CTNND2: variants seen among roughly 807,000 people sequenced by gnomAD.
CTNND2 encodes catenin delta 2.
CTNND2 carries 22 observed loss-of-function variants against 144.4 expected under a neutral mutation model. That is an observed-to-expected ratio of 0.15 (90% CI 0.11 to 0.22). CTNND2 has a LOEUF of 0.22. Among genes scored for constraint, CTNND2 ranks in the 10% least tolerant of loss-of-function variants. CTNND2 has a pLI of 1.00. For synonymous variants in CTNND2, 751 were observed against 695.6 expected, an observed-to-expected ratio of 1.08 and a Z score of -1.25; for missense variants, 1,353 against 1,618.8, an observed-to-expected ratio of 0.84 and a Z score of 2.82.
intron 12 of CTNND2, among the ~76,000 whole-genome samples, chr5:11,154,705 A>G (rs1057458616): frequency 1.4e-4 from 22 of 152,312 alleles, no homozygotes; most frequent in African/African-American, 5.3e-4. Flanking sequence ...AAAACAACCG[A>G]AACTTATTAT....
At chr5:11,334,935 C>A (rs1205623421) in intron 9 of CTNND2, among the ~76,000 whole-genome samples, 4 of 152,230 alleles carry the variant, frequency 2.6e-5, no homozygotes, top group Non-Finnish European at 5.9e-5. Context: ...AGTGAGGATA[C>A]TTCTGTCATC....
intron 3 of CTNND2, among the ~76,000 whole-genome samples, chr5:11,476,958 C>T (rs572568921): frequency 6.6e-6 from 1 of 152,206 alleles, no homozygotes; most frequent in African/African-American, 2.4e-5. Context: ...CCTTTTTATA[C>T]AAAGATCCCA....
In CTNND2 at chr5:11,669,823, T is replaced by C. The variant is rs1783778963; in HGVS notation, c.174+62313A>G. 3.3e-5 allele frequency among the ~76,000 whole-genome samples: 5 copies of C among 152,252 alleles called. No homozygotes were observed. The South Asian group carries it at 1.0e-3, about 32-fold the overall frequency. On this transcript the variant is annotated intron_variant, in intron 2 of 21. Coordinates refer to ENST00000304623, the MANE Select transcript of CTNND2 (RefSeq NM_001332.4). Reference sequence around the variant, plus strand: ...AATTTGTTTGCTCTGGTTTCTCTAGTTCTTGTAATTGTGATGTTAGGGAGT... The same window carrying C: ...AATTTGTTTGCTCTGGTTTCTCTAGCTCTTGTAATTGTGATGTTAGGGAGT...
intron 3 of CTNND2, among the ~76,000 whole-genome samples, chr5:11,431,472 G>C (rs1763280584): frequency 6.6e-6 from 1 of 152,234 alleles, no homozygotes; most frequent in South Asian, 2.1e-4. Flanking sequence ...TGCAGCTGAA[G>C]TGATGCTCTG....
At chr5:11,678,845 C>T (rs1784298497) in intron 2 of CTNND2, among the ~76,000 whole-genome samples, 1 of 152,052 alleles carries the variant, frequency 6.6e-6, no homozygotes, top group Non-Finnish European at 1.5e-5. Context: ...GTTTTTGGCT[C>T]ATTGGCTCCA....
chr5:11,183,927 TTC>T (rs1192567581), intron 11 of CTNND2, among the ~76,000 whole-genome samples: 1 of 152,090 alleles, frequency 6.6e-6, no homozygotes, highest in Non-Finnish European at 1.5e-5. Flanking sequence ...CTCTTTCTCT[TTC>T]TCTCAAACTC....
At chr5:11,155,630 G>A (rs980220485) in intron 12 of CTNND2, among the ~76,000 whole-genome samples, 19 of 151,800 alleles carry the variant, frequency 1.3e-4, no homozygotes, top group Admixed American at 9.8e-4. Context: ...TCTAACCCCC[G>A]CAACCCCACC....
At chr5:11,090,577 GCA>G (rs1750665585) in intron 15 of CTNND2, among the ~76,000 whole-genome samples, 1 of 152,176 alleles carries the variant, frequency 6.6e-6, no homozygotes, top group Non-Finnish European at 1.5e-5. Flanking sequence ...GATCTAGGTT[GCA>G]TGCTCCTCAT....
chr5:11,745,114 T>C (rs979675165), intron 1 of CTNND2, among the ~76,000 whole-genome samples: 5 of 152,210 alleles, frequency 3.3e-5, no homozygotes, highest in Non-Finnish European at 5.9e-5. Flanking sequence ...AAATAACCTA[T>C]ATATAACGTA....
At chr5:11,652,793 T>C (rs536774113) in intron 2 of CTNND2, among the ~76,000 whole-genome samples, 1 of 152,304 alleles carries the variant, frequency 6.6e-6, no homozygotes, top group East Asian at 1.9e-4. Flanking sequence ...TTAACTATGG[T>C]TACCATGCTG....
chr5:11,605,457 C>A (rs76117901), intron 2 of CTNND2, among the ~76,000 whole-genome samples: 8,349 of 152,114 alleles, frequency 0.055, 436 homozygotes, highest in African/African-American at 0.13. Flanking sequence ...AAAGATAGAG[C>A]CTTTGCAAGA....
At chr5:11,172,979 C>T (rs892082294) in intron 11 of CTNND2, among the ~76,000 whole-genome samples, 2 of 152,160 alleles carry the variant, frequency 1.3e-5, no homozygotes, top group African/African-American at 4.8e-5. Context: ...AGGGAAATCA[C>T]TGTGCTTTTG....
At chr5:11,109,590 T>C (rs1434457620) in intron 14 of CTNND2, among the ~76,000 whole-genome samples, 2 of 152,214 alleles carry the variant, frequency 1.3e-5, no homozygotes, top group African/African-American at 4.8e-5. Context: ...TCCTCTGTCC[T>C]GGAAGGTCTG....
At chr5:11,277,656 C>T (rs567381482) in intron 9 of CTNND2, among the ~76,000 whole-genome samples, 10 of 151,988 alleles carry the variant, frequency 6.6e-5, no homozygotes, top group South Asian at 2.1e-4. Context: ...CTCAGCCTCC[C>T]GAGCAGCTGG....
At chr5:11,283,079 T>G (rs1356434149) in intron 9 of CTNND2, among the ~76,000 whole-genome samples, 1 of 152,190 alleles carries the variant, frequency 6.6e-6, no homozygotes, top group East Asian at 1.9e-4. Flanking sequence ...TTGACACCCT[T>G]ACCAATGTTA....
intron 20 of CTNND2, among the ~76,000 whole-genome samples, chr5:10,982,625 T>C (rs1193118265): frequency 1.3e-5 from 2 of 152,238 alleles, no homozygotes; most frequent in Non-Finnish European, 2.9e-5. Flanking sequence ...AATGACCATA[T>C]CACCTAGCAA....
At position 11,259,137 on chromosome 5, in the gene CTNND2, C is replaced by T. The variant is rs558783845; in HGVS notation, c.1629-22314G>A. Among the ~76,000 whole-genome samples, 19 of 152,300 alleles carry T rather than the reference C, an allele frequency of 1.2e-4. No individual in the cohort carries two copies. In the East Asian group the frequency reaches 1.5e-3, roughly 12 times the overall value. Reference sequence around the variant, plus strand: ...GAGCCTTGTACCATCAGTTGAAAAACGAAAACTCAAGACTTCAGTAGTAAC... The same window carrying T: ...GAGCCTTGTACCATCAGTTGAAAAATGAAAACTCAAGACTTCAGTAGTAAC... On this transcript the variant is annotated intron_variant, in intron 9 of 21. Coordinates refer to ENST00000304623, the MANE Select transcript of CTNND2 (RefSeq NM_001332.4).
In CTNND2 at chr5:11,483,838, C is replaced by G. The variant is rs1030915199; in HGVS notation, c.288-71769G>C. ...TATACTGGAAGATCAGAGAGTGAAG[C>G]AGGAAACAGACTCAGAAGAAAGAAA... On this transcript the variant is annotated intron_variant, in intron 3 of 21. Transcript: ENST00000304623. Among the ~76,000 whole-genome samples, 15 of 152,256 alleles carry G rather than the reference C, an allele frequency of 9.9e-5. 1 individual carries two copies. Among genetic ancestry groups the G allele is most frequent in the Admixed American group, 9.2e-4 (14 of 15,300 alleles).
At chr5:11,420,488 A>G (rs1163436559) in intron 3 of CTNND2, among the ~76,000 whole-genome samples, 1 of 152,210 alleles carries the variant, frequency 6.6e-6, no homozygotes, top group Non-Finnish European at 1.5e-5. Flanking sequence ...CATGGGTTGC[A>G]AAATAAAATG....
Sources: allele counts gnomAD v4.1 joint callset (sites outside exome capture counted in the v4.1 genomes callset), GRCh38; gene constraint gnomAD v4.1.1; transcripts MANE v1.5; gene names NCBI Gene and HGNC (gene_info 2026-07-23, HGNC 2026-07-21).